Variants in NRXN3 observed in about 807,000 individuals in gnomAD.
The protein encoded by NRXN3 is neurexin 3.
In NRXN3, 32 loss-of-function variants were observed where a neutral mutation model predicts 137.6. The observed-to-expected ratio is 0.23, with a 90% confidence interval of 0.18 to 0.31. NRXN3 has a LOEUF of 0.31. Ranked by LOEUF, NRXN3 falls within the 10% of genes least tolerant of loss-of-function variation. The pLI is 1.00. For missense variants in NRXN3, 1,574 were observed against 2,062.5 expected, an observed-to-expected ratio of 0.76 and a Z score of 4.59; for synonymous variants, 798 against 784.5, an observed-to-expected ratio of 1.02 and a Z score of -0.29.
chr14:78,302,511 T>G (rs556020311), intron 4 of NRXN3, among the ~76,000 whole-genome samples: 4 of 152,312 alleles, frequency 2.6e-5, no homozygotes, highest in Admixed American at 2.6e-4. Flanking sequence ...TACTCTATAC[T>G]GTCTTTCCCG....
intron 4 of NRXN3, among the ~76,000 whole-genome samples, chr14:78,469,787 A>G (rs1422964502): frequency 6.6e-6 from 1 of 152,240 alleles, no homozygotes; most frequent in Non-Finnish European, 1.5e-5. Flanking sequence ...TAGCACCTGA[A>G]AAATACAACT....
intron 2 of NRXN3, among the ~76,000 whole-genome samples, chr14:78,269,278 C>T (rs964444946): frequency 6.6e-6 from 1 of 152,166 alleles, no homozygotes; most frequent in Non-Finnish European, 1.5e-5. Flanking sequence ...GAAGAAAATT[C>T]TGACACATGC....
At chr14:78,281,172 G>GT (rs2074355364) in intron 3 of NRXN3, among the ~76,000 whole-genome samples, 1 of 152,188 alleles carries the variant, frequency 6.6e-6, no homozygotes, top group Admixed American at 6.5e-5. Context: ...GACATGGCAG[G>GT]AGGTGGCCTG....
chr14:78,618,088 G>A (rs534835944), intron 4 of NRXN3, among the ~76,000 whole-genome samples: 20 of 151,854 alleles, frequency 1.3e-4, no homozygotes, highest in Non-Finnish European at 2.1e-4. Flanking sequence ...GTTAGCACCC[G>A]AAAAGTTATT....
intron 15 of NRXN3, among the ~76,000 whole-genome samples, chr14:79,067,704 G>A (rs992226209): frequency 6.6e-6 from 1 of 151,898 alleles, no homozygotes; most frequent in African/African-American, 2.4e-5. Flanking sequence ...TATAAGGAAG[G>A]CAATCATGTT....
At chr14:79,341,406 G>A (rs970259404) in intron 15 of NRXN3, among the ~76,000 whole-genome samples, 1 of 152,118 alleles carries the variant, frequency 6.6e-6, no homozygotes, top group Non-Finnish European at 1.5e-5. Flanking sequence ...CACTCAAAGT[G>A]CGATCCACAA....
At chr14:79,544,106 T>C (rs968371872) in intron 16 of NRXN3, among the ~76,000 whole-genome samples, 3 of 152,118 alleles carry the variant, frequency 2.0e-5, no homozygotes, top group African/African-American at 7.2e-5. Flanking sequence ...AAAATAAAAA[T>C]ACTTCTTAAA....
chr14:79,077,060 C>T (rs960754624), intron 15 of NRXN3, among the ~76,000 whole-genome samples: 1 of 152,074 alleles, frequency 6.6e-6, no homozygotes, highest in Admixed American at 6.6e-5. Context: ...CTCCAGTTAT[C>T]GTCAAGGGAA....
intron 15 of NRXN3, 26 bp downstream of exon 15, chr14:78,988,167 G>T (rs779703422): frequency 1.2e-6 from 2 of 1,613,094 alleles, no homozygotes; most frequent in Non-Finnish European, 1.7e-6. Flanking sequence ...TTTCATACTG[G>T]AACTTTGTGA....
intron 4 of NRXN3, among the ~76,000 whole-genome samples, chr14:78,411,977 G>C (rs2092858309): frequency 6.6e-6 from 1 of 152,136 alleles, no homozygotes; most frequent in Non-Finnish European, 1.5e-5. Flanking sequence ...TTCCCTTAAG[G>C]AAGTTACTTA....
intron 16 of NRXN3, among the ~76,000 whole-genome samples, chr14:79,596,642 G>A (rs1404411034): frequency 6.6e-6 from 1 of 152,124 alleles, no homozygotes; most frequent in Non-Finnish European, 1.5e-5. Flanking sequence ...TTTATCACAG[G>A]CTTGGAATGT....
chr14:79,144,718 T>C (rs2153008557), intron 15 of NRXN3, among the ~76,000 whole-genome samples: 2 of 152,338 alleles, frequency 1.3e-5, no homozygotes, highest in South Asian at 4.1e-4. Flanking sequence ...TTCTAATGAC[T>C]TCACGTTTAT....
chr14:78,909,537 T>C lies in NRXN3; in HGVS notation c.2276-47705T>C, dbSNP rs139067939. Among the ~76,000 whole-genome samples, 40 of 152,296 alleles carry C rather than the reference T, an allele frequency of 2.6e-4. No homozygotes were observed. The East Asian group carries it at 6.6e-3, about 25-fold the overall frequency. On this transcript the variant is annotated intron_variant, in intron 10 of 20. Transcript: ENST00000335750. ...TCTTCTCATCAAACAAGGGCAATTA[T>C]GTGAGAGTTTTGGTGGCAAATTATT...
intron 8 of NRXN3, among the ~76,000 whole-genome samples, chr14:78,766,841 C>T (rs756798127): frequency 5.9e-5 from 9 of 152,190 alleles, no homozygotes; most frequent in Non-Finnish European, 1.2e-4. Context: ...AACTCTCACT[C>T]TCCTCATCTT....
At chr14:78,356,053 G>A (rs527799379) in intron 4 of NRXN3, among the ~76,000 whole-genome samples, 2 of 152,356 alleles carry the variant, frequency 1.3e-5, no homozygotes, top group African/African-American at 4.8e-5. Flanking sequence ...TCTGGAGAAT[G>A]TTTGATGAGA....
At chr14:79,570,964 T>C (rs913527331) in intron 16 of NRXN3, among the ~76,000 whole-genome samples, 98 of 152,326 alleles carry the variant, frequency 6.4e-4, no homozygotes, top group African/African-American at 2.3e-3. Context: ...CCTTCACTTT[T>C]GTGACCTCAT....
Position 79,838,680 on chromosome 14 carries a change from G to A in NRXN3, c.4094-22662G>A, listed in dbSNP as rs570913571. On this transcript the variant is annotated intron_variant, in intron 20 of 20. Coordinates refer to ENST00000335750, the MANE Select transcript of NRXN3 (RefSeq NM_001330195.2). Reference sequence around the variant, plus strand: ...TCTGTTTTCAAAGCTGCCTTATAGTGCCTTTCTCACTTTGTGATACCAAGC... The same window carrying A: ...TCTGTTTTCAAAGCTGCCTTATAGTACCTTTCTCACTTTGTGATACCAAGC... Among the ~76,000 whole-genome samples the A allele has an allele frequency of 7.9e-5, 12 of 152,218 alleles. No homozygotes were observed. The South Asian group carries it at 1.0e-3, about 13-fold the overall frequency.
intron 6 of NRXN3, among the ~76,000 whole-genome samples, chr14:78,661,830 G>T (rs902985287): frequency 2.0e-5 from 3 of 151,810 alleles, no homozygotes; most frequent in Non-Finnish European, 4.4e-5. Flanking sequence ...GATCATGCAT[G>T]TAAAATAGCT....
At chr14:78,913,601 C>T (rs1163096894) in intron 10 of NRXN3, among the ~76,000 whole-genome samples, 1 of 152,042 alleles carries the variant, frequency 6.6e-6, no homozygotes, top group African/African-American at 2.4e-5. Flanking sequence ...TAACAGCCTT[C>T]TAATCACTAA....
Sources: allele counts gnomAD v4.1 joint callset (sites outside exome capture counted in the v4.1 genomes callset), GRCh38; gene constraint gnomAD v4.1.1; transcripts MANE v1.5; gene names NCBI Gene and HGNC (gene_info 2026-07-23, HGNC 2026-07-21).